SMOC2: variants seen among roughly 807,000 people sequenced by gnomAD.
SMOC2 encodes SPARC related modular calcium binding 2, also known as SPARC-related modular calcium-binding protein 2.
In SMOC2, 39 loss-of-function variants were observed where a neutral mutation model predicts 61.4. The observed-to-expected ratio is 0.64, with a 90% confidence interval of 0.49 to 0.83. SMOC2 has a LOEUF of 0.83. Among genes scored for constraint, SMOC2 ranks in the 40% least tolerant of loss-of-function variants. The pLI is 0.00. For synonymous variants in SMOC2, 247 were observed against 239.9 expected, an observed-to-expected ratio of 1.03 and a Z score of -0.27; for missense variants, 556 against 592.9, an observed-to-expected ratio of 0.94 and a Z score of 0.65.
At position 168,547,101 on chromosome 6, in the gene SMOC2, T is replaced by C; in HGVS notation, c.512-18T>C. Reference sequence around the variant, plus strand: ...ATAATTGTAGTCTCCTTGCAAATCTTTTCCGTTCTGAATTCAGATGATGCC... The same window carrying C: ...ATAATTGTAGTCTCCTTGCAAATCTCTTCCGTTCTGAATTCAGATGATGCC... On this transcript the variant is annotated intron_variant, in intron 5 of 12. Transcript: ENST00000356284. 6.2e-7 allele frequency: 1 copy of C among 1,614,114 alleles called. No individual in the cohort carries two copies. The highest frequency in any genetic ancestry group is 8.5e-7 in the Non-Finnish European group (1 of 1,180,012).
chr6:168,542,386 G>A (rs1309340610), intron 4 of SMOC2, among the ~76,000 whole-genome samples: 1 of 152,176 alleles, frequency 6.6e-6, no homozygotes, highest in Non-Finnish European at 1.5e-5. Flanking sequence ...AGAAAGGCTG[G>A]CTTTGGCAGA....
At chr6:168,589,129 A>G (rs559737150) in intron 7 of SMOC2, among the ~76,000 whole-genome samples, 6 of 152,092 alleles carry the variant, frequency 3.9e-5, no homozygotes, top group Admixed American at 2.6e-4. Flanking sequence ...TAAACAGAAA[A>G]TAGCACCCAC....
chr6:168,603,918 G>C (rs1029179038), intron 8 of SMOC2, among the ~76,000 whole-genome samples: 2 of 152,220 alleles, frequency 1.3e-5, no homozygotes, highest in Non-Finnish European at 2.9e-5. Context: ...TCAAAAGGTG[G>C]GGTGTATCAG....
At chr6:168,499,572 A>G (rs1025515580) in intron 1 of SMOC2, among the ~76,000 whole-genome samples, 3 of 152,206 alleles carry the variant, frequency 2.0e-5, no homozygotes, top group Non-Finnish European at 4.4e-5. Flanking sequence ...GTTTTTCCCT[A>G]TATGCCTACA....
chr6:168,445,630 TC>T (rs1781315421), intron 1 of SMOC2, among the ~76,000 whole-genome samples: 3 of 152,332 alleles, frequency 2.0e-5, no homozygotes, highest in African/African-American at 7.2e-5. Context: ...TGATTTTTTT[TC>T]CTTTCTTCTT....
chr6:168,480,476 T>TA lies in SMOC2; in HGVS notation c.85-29432dup, dbSNP rs1454771361. On this transcript the variant is annotated intron_variant, in intron 1 of 12. Coordinates refer to ENST00000356284, the MANE Select transcript of SMOC2 (RefSeq NM_001166412.2). ...AGCTGGAAAGTAAAATAACTGAAAT[T>TA]AAAAAAATTACTAGAGGGATTCAGA... is the stretch of plus-strand genomic sequence containing the variant. Among the ~76,000 whole-genome samples the TA allele has an allele frequency of 1.9e-3, 292 of 152,104 alleles. 1 individual carries two copies. Among genetic ancestry groups the TA allele is most frequent in the African/African-American group, 6.7e-3 (277 of 41,530 alleles).
At chr6:168,467,991 C>T (rs1434396015) in intron 1 of SMOC2, among the ~76,000 whole-genome samples, 8 of 152,190 alleles carry the variant, frequency 5.3e-5, no homozygotes, top group African/African-American at 1.7e-4. Context: ...GCAAATCTAT[C>T]TACATTTCTC....
At chr6:168,521,535 C>T (rs1174276510) in intron 2 of SMOC2, among the ~76,000 whole-genome samples, 1 of 152,064 alleles carries the variant, frequency 6.6e-6, no homozygotes, top group Non-Finnish European at 1.5e-5. Flanking sequence ...AAATATCATC[C>T]AACAGGTAGA....
At chr6:168,569,956 C>T (rs913163252) in intron 7 of SMOC2, among the ~76,000 whole-genome samples, 9 of 152,162 alleles carry the variant, frequency 5.9e-5, no homozygotes, top group African/African-American at 1.2e-4. Context: ...TTTTCTCCTG[C>T]GTTACCTTCT....
Position 168,650,768 on chromosome 6 carries a change from C to T in SMOC2, c.995C>T (p.Ser332Phe). The T allele has an allele frequency of 6.2e-7, 1 of 1,611,830 alleles. No individual in the cohort carries two copies. Among genetic ancestry groups the T allele is most frequent in the South Asian group, 1.1e-5 (1 of 90,948 alleles). ...TDMVHAASDP[S>F]SSSGRLSEPD... ...ATGGTCCACGCCGCCTCCGACCCCTCCTCCTCGTCAGGCAGGTACGCTGTG... is the reference window on the plus strand; with the variant it reads ...ATGGTCCACGCCGCCTCCGACCCCTTCTCCTCGTCAGGCAGGTACGCTGTG... Residue 332 changes from serine (S) to phenylalanine (F), a missense_variant, in exon 10 of 13, where the codon TCC becomes TTC. Transcript: ENST00000356284.
intron 9 of SMOC2, among the ~76,000 whole-genome samples, chr6:168,610,489 A>C (rs939524517): frequency 1.3e-5 from 2 of 152,226 alleles, no homozygotes; most frequent in Non-Finnish European, 2.9e-5. Context: ...TTCCAAAATA[A>C]CACAGCAGCC....
intron 7 of SMOC2, among the ~76,000 whole-genome samples, chr6:168,570,042 G>A (rs1002053556): frequency 1.2e-4 from 18 of 151,908 alleles, no homozygotes; most frequent in Admixed American, 8.5e-4. Context: ...CGTAAGGTCC[G>A]TGTCTAGACG....
At chr6:168,550,034 T>C (rs1342004994) in intron 7 of SMOC2, among the ~76,000 whole-genome samples, 1 of 152,226 alleles carries the variant, frequency 6.6e-6, no homozygotes, top group African/African-American at 2.4e-5. Context: ...GGTTGCTTCA[T>C]CTTTGGTTAA....
chr6:168,638,324 G>A (rs2115257463), intron 9 of SMOC2, among the ~76,000 whole-genome samples: 1 of 152,334 alleles, frequency 6.6e-6, no homozygotes, highest in Non-Finnish European at 1.5e-5. Context: ...TTCACACCAT[G>A]AGAACCTGAG....
chr6:168,479,764 G>A (rs892217235), intron 1 of SMOC2, among the ~76,000 whole-genome samples: 1 of 152,198 alleles, frequency 6.6e-6, no homozygotes, highest in African/African-American at 2.4e-5. Flanking sequence ...GATAACAGGG[G>A]TGCAGACGAA....
At chr6:168,530,614 A>G (rs1783566411) in intron 4 of SMOC2, among the ~76,000 whole-genome samples, 1 of 150,076 alleles carries the variant, frequency 6.7e-6, no homozygotes, top group Non-Finnish European at 1.5e-5. Flanking sequence ...CTGGTTGGAA[A>G]TGCAAATTAA....
intron 1 of SMOC2, among the ~76,000 whole-genome samples, chr6:168,450,493 C>T (rs1441105626): frequency 1.3e-5 from 2 of 152,174 alleles, no homozygotes; most frequent in African/African-American, 4.8e-5. Flanking sequence ...GATGGGTCCC[C>T]TTCCCAGCCA....
chr6:168,487,801 C>T (rs1028499275), intron 1 of SMOC2, among the ~76,000 whole-genome samples: 1 of 152,132 alleles, frequency 6.6e-6, no homozygotes, highest in Non-Finnish European at 1.5e-5. Flanking sequence ...CTGTGCCTAG[C>T]CAAAAATTAC....
intron 1 of SMOC2, among the ~76,000 whole-genome samples, 168 bp downstream of exon 1, chr6:168,441,622 C>A (rs1480810440): frequency 1.3e-5 from 2 of 152,140 alleles, no homozygotes; most frequent in African/African-American, 4.8e-5. Context: ...GCAGGTAGGA[C>A]GCAGCGTGCG....
Sources: gnomAD v4.1 joint callset for allele counts (sites outside exome capture counted in the v4.1 genomes callset) on GRCh38, gnomAD v4.1.1 for gene constraint, MANE v1.5 for transcripts, NCBI Gene and HGNC (gene_info 2026-07-23, HGNC 2026-07-21) for gene names.